Variants in TENM1 observed in about 807,000 individuals in gnomAD.
TENM1 encodes the protein teneurin transmembrane protein 1.
In TENM1, 35 loss-of-function variants were observed where a neutral mutation model predicts 174.8. The ratio of observed to expected loss-of-function variants is 0.20; its 90% CI spans 0.15 to 0.27. The LOEUF is 0.27. TENM1 is among the 10% of genes least tolerant of loss of function. The pLI, the probability that TENM1 is intolerant of heterozygous loss-of-function variation, is 1.00. For synonymous variants in TENM1, 781 were observed against 798.7 expected, an observed-to-expected ratio of 0.98 and a Z score of 0.37; for missense variants, 1,633 against 2,130.1, an observed-to-expected ratio of 0.77 and a Z score of 4.59.
At chrX:124,686,516 C>T (rs1344935469) in intron 5 of TENM1, among the ~76,000 whole-genome samples, 1 of 111,804 alleles carries the variant, frequency 8.9e-6, no homozygotes, top group African/African-American at 3.3e-5. Context: ...ATGCAAAAAT[C>T]CTCAATAAAA....
the TENM1 span, among the ~76,000 whole-genome samples, chrX:124,991,201 C>A: frequency 5.8e-4 from 65 of 111,201 alleles, no homozygotes; most frequent in Non-Finnish European, 1.0e-3. Context: ...TACTTAGGAG[C>A]TTCATATAGG....
the TENM1 span, among the ~76,000 whole-genome samples, chrX:125,104,864 T>C: frequency 0.057 from 6,394 of 111,849 alleles, 173 homozygotes; most frequent in Middle Eastern, 0.14. Context: ...TAACAACTTC[T>C]ATAGACTAGC....
intron 8 of TENM1, among the ~76,000 whole-genome samples, chrX:124,651,447 A>G (rs2051307713): frequency 8.9e-6 from 1 of 112,162 alleles, no homozygotes; most frequent in Non-Finnish European, 1.9e-5. Context: ...TCTGTAAATA[A>G]TCTTATGTTG....
chrX:124,574,855 A>G (rs1448260244), intron 11 of TENM1, among the ~76,000 whole-genome samples: 2 of 111,926 alleles, frequency 1.8e-5, no homozygotes, highest in Non-Finnish European at 3.8e-5. Context: ...TTCAACTAAT[A>G]ACAGTAAACA....
intron 3 of TENM1, among the ~76,000 whole-genome samples, chrX:124,873,732 G>A (rs1411591209): frequency 1.8e-5 from 2 of 111,192 alleles, no homozygotes; most frequent in Non-Finnish European, 3.8e-5. Context: ...TAAATACAGA[G>A]TTGTCTCATT....
At chrX:124,936,793 T>C (rs917390278) in intron 1 of TENM1, among the ~76,000 whole-genome samples, 1 of 111,860 alleles carries the variant, frequency 8.9e-6, no homozygotes, top group African/African-American at 3.3e-5. Flanking sequence ...ACACCTGTAA[T>C]CCCAGCACTT....
chrX:125,016,293 T>C, the TENM1 span, among the ~76,000 whole-genome samples: 1 of 111,377 alleles, frequency 9.0e-6, no homozygotes, highest in Non-Finnish European at 1.9e-5. Context: ...GCAGATGACA[T>C]GATGGTATAT....
At chrX:125,119,662 C>A in the TENM1 span, among the ~76,000 whole-genome samples, 6 of 111,117 alleles carry the variant, frequency 5.4e-5, no homozygotes, top group South Asian at 3.7e-4. Flanking sequence ...TATCTTCTTA[C>A]TGCTCTGCCT....
At chrX:124,637,130 C>T (rs754822081) in intron 11 of TENM1, among the ~76,000 whole-genome samples, 63 of 105,148 alleles carry the variant, frequency 6.0e-4, no homozygotes, top group African/African-American at 2.0e-3. Flanking sequence ...GCTCTTGTTG[C>T]CCAGGCTGGA....
At chrX:124,869,020 C>T (rs1456105239) in intron 3 of TENM1, among the ~76,000 whole-genome samples, 1 of 103,577 alleles carries the variant, frequency 9.7e-6, no homozygotes, top group Non-Finnish European at 2.0e-5. Context: ...ACGTCAGGAG[C>T]TCGAGACCAG....
the TENM1 span, among the ~76,000 whole-genome samples, chrX:125,118,881 C>T: frequency 1.8e-5 from 2 of 111,543 alleles, no homozygotes; most frequent in Admixed American, 1.9e-4. Context: ...AAAGACAAAT[C>T]TAATCTATAG....
chrX:124,487,351 A>G, intron 20 of TENM1, 122 bp from the exon 24 acceptor site: 1 of 618,588 alleles, frequency 1.6e-6, no homozygotes, highest in Non-Finnish European at 2.6e-6. Flanking sequence ...GCATTTAGAG[A>G]GACTCTATGG....
At chrX:124,789,392 T>A (rs994990311) in intron 3 of TENM1, among the ~76,000 whole-genome samples, 2 of 111,704 alleles carry the variant, frequency 1.8e-5, no homozygotes, top group Non-Finnish European at 3.8e-5. Flanking sequence ...TTATGCAAAT[T>A]TCTGCAGCCA....
In TENM1 at chrX:124,471,232, TATATATA is replaced by T. The variant is rs1408302870; in HGVS notation, c.3949+10493_3949+10499del. Among the ~76,000 whole-genome samples the T allele has an allele frequency of 1.2e-3, 80 of 65,505 alleles. 1 individual carries two copies. The highest frequency in any genetic ancestry group is 1.8e-3 in the Non-Finnish European group (70 of 39,476). The allele number at this position is 65,505 out of a possible 115,157, so 56.9% of individuals were successfully genotyped here. A position where few individuals can be genotyped will look rare whatever the true frequency, so the allele number is the denominator to read the frequency against. On this transcript the variant is annotated intron_variant, in intron 22 of 31. Coordinates refer to ENST00000422452, the Ensembl canonical transcript of TENM1. The stretch of plus-strand genomic sequence containing the variant: ...TACTATATATTATAATATATAGTAC[TATATATA>T]ATATATAATAATATATATTATAATA...
Position 124,420,494 on chromosome X carries a change from G to A in TENM1, c.4799C>T (p.Ala1600Val). Reference sequence around the variant, plus strand: ...CACAAGCCATAGCGGCATTCCGCCTGCATCACGGCGAATGTGCACTGAATT... The same window carrying A: ...CACAAGCCATAGCGGCATTCCGCCTACATCACGGCGAATGTGCACTGAATT... Residue 1600 changes from alanine to valine, a missense_variant, in exon 25 of 32, where the codon GCA (alanine) becomes GTA (valine). Ala to Val is a moderately conservative substitution (Grantham distance 64). Around this residue, in one of 4 missense-constraint regions of TENM1, gnomAD observed 807 missense variants for 1,125.3 expected, o/e 0.72. Coordinates refer to ENST00000422452, the Ensembl canonical transcript of TENM1. 2 of 1,211,910 alleles carry A rather than the reference G, an allele frequency of 1.7e-6. No individual in the cohort carries two copies. The highest frequency in any genetic ancestry group is 1.8e-5 in the South Asian group (1 of 56,983).
chrX:124,936,753 G>A (rs1027922163), intron 1 of TENM1, among the ~76,000 whole-genome samples: 2 of 111,937 alleles, frequency 1.8e-5, no homozygotes, highest in African/African-American at 6.5e-5. Flanking sequence ...TTCTTAAAAA[G>A]TAGTATAACT....
At chrX:125,049,412 T>C in the TENM1 span, among the ~76,000 whole-genome samples, 1 of 112,423 alleles carries the variant, frequency 8.9e-6, no homozygotes, top group Non-Finnish European at 1.9e-5. Flanking sequence ...TAGTACTTCA[T>C]TCCTTTTTAT....
chrX:124,859,310 C>T (rs971281322), intron 3 of TENM1, among the ~76,000 whole-genome samples: 14 of 108,889 alleles, frequency 1.3e-4, no homozygotes, highest in South Asian at 4.0e-4. Flanking sequence ...TTTGGGAGGC[C>T]GAGGCAGGTG....
chrX:125,093,277 C>A, the TENM1 span, among the ~76,000 whole-genome samples: 2 of 111,437 alleles, frequency 1.8e-5, no homozygotes, highest in African/African-American at 6.5e-5. Context: ...GTCCTCTCCT[C>A]TCTGCAGCTC....
Sources: gnomAD v4.1 joint callset for allele counts (sites outside exome capture counted in the v4.1 genomes callset) on GRCh38, gnomAD v4.1.1 for gene constraint, gnomAD v4.1.1 regional missense constraint, MANE v1.5 for transcripts, NCBI Gene and HGNC (gene_info 2026-07-23, HGNC 2026-07-21) for gene names.